Variants in GRID2 observed in about 807,000 individuals in gnomAD.
The protein encoded by GRID2 is glutamate ionotropic receptor delta type subunit 2, also known as glutamate receptor ionotropic, delta-2.
GRID2 carries 33 observed loss-of-function variants against 114.8 expected under a neutral mutation model. That is an observed-to-expected ratio of 0.29 (90% confidence interval 0.22 to 0.38). GRID2 has a LOEUF of 0.38. Ranked by LOEUF, GRID2 falls within the 10% of genes least tolerant of loss-of-function variation. The pLI, the probability that GRID2 is intolerant of heterozygous loss-of-function variation, is 1.00. For missense variants in GRID2, 1,184 were observed against 1,257.7 expected (o/e 0.94, Z 0.89); for synonymous variants, 505 against 449.9 (o/e 1.12, Z -1.55).
intron 1 of GRID2, among the ~76,000 whole-genome samples, chr4:92,566,707 A>G (rs1449117236): frequency 1.3e-5 from 2 of 152,066 alleles, no homozygotes; most frequent in Non-Finnish European, 2.9e-5. Context: ...TCACACTAAA[A>G]GCAAATAATT....
chr4:92,762,648 T>C (rs2149346255), intron 2 of GRID2, among the ~76,000 whole-genome samples: 1 of 152,298 alleles, frequency 6.6e-6, no homozygotes, highest in African/African-American at 2.4e-5. Flanking sequence ...CCTCAAAAAG[T>C]TGTATGCAGA....
chr4:92,773,566 G>A (rs1206700998), intron 2 of GRID2, among the ~76,000 whole-genome samples: 1 of 151,704 alleles, frequency 6.6e-6, no homozygotes, highest in Non-Finnish European at 1.5e-5. Flanking sequence ...TAAAGTCCAA[G>A]ATTTATATCT....
intron 1 of GRID2, among the ~76,000 whole-genome samples, chr4:92,524,267 T>G (rs1000345537): frequency 1.3e-5 from 2 of 151,776 alleles, no homozygotes; most frequent in Non-Finnish European, 2.9e-5. Flanking sequence ...ACTGCAAAAT[T>G]TAACATAAAT....
chr4:93,041,357 C>T (rs978268297), intron 2 of GRID2, among the ~76,000 whole-genome samples: 12 of 152,158 alleles, frequency 7.9e-5, no homozygotes, highest in East Asian at 7.7e-4. Context: ...TGCAGAATGG[C>T]GAACTTCTCA....
At chr4:92,695,185 C>T (rs1483034175) in intron 2 of GRID2, among the ~76,000 whole-genome samples, 1 of 152,042 alleles carries the variant, frequency 6.6e-6, no homozygotes, top group Admixed American at 6.6e-5. Context: ...CGTCTGGTCT[C>T]GAACTCCTGG....
intron 2 of GRID2, among the ~76,000 whole-genome samples, chr4:92,769,478 G>T (rs892841865): frequency 6.6e-6 from 1 of 152,192 alleles, no homozygotes; most frequent in Non-Finnish European, 1.5e-5. Flanking sequence ...TGGTGCCCCA[G>T]TGGGGACTCT....
At chr4:93,168,987 C>T (rs1366344078) in intron 4 of GRID2, among the ~76,000 whole-genome samples, 1 of 152,010 alleles carries the variant, frequency 6.6e-6, no homozygotes, top group Non-Finnish European at 1.5e-5. Flanking sequence ...ACTATAGAAA[C>T]AGAGCATTAT....
intron 2 of GRID2, among the ~76,000 whole-genome samples, chr4:92,846,239 C>T (rs1743314025): frequency 6.6e-6 from 1 of 151,944 alleles, no homozygotes; most frequent in South Asian, 2.1e-4. Context: ...TGATGCTGAA[C>T]TTTGGAGTAC....
chr4:93,047,421 T>C (rs972584698), intron 2 of GRID2, among the ~76,000 whole-genome samples: 2 of 152,104 alleles, frequency 1.3e-5, no homozygotes, highest in Non-Finnish European at 2.9e-5. Flanking sequence ...GACTATAGGA[T>C]ATATGGGATT....
intron 2 of GRID2, among the ~76,000 whole-genome samples, chr4:92,693,399 A>G (rs1243263131): frequency 2.0e-5 from 3 of 152,312 alleles, no homozygotes; most frequent in African/African-American, 7.2e-5. Flanking sequence ...TATACATTTC[A>G]TTTGTGCAGT....
chr4:93,664,384 T>C (rs761089469), intron 14 of GRID2, among the ~76,000 whole-genome samples: 1 of 152,216 alleles, frequency 6.6e-6, no homozygotes, highest in Non-Finnish European at 1.5e-5. Context: ...GCAGATGCTC[T>C]GTTATGGTAA....
intron 2 of GRID2, among the ~76,000 whole-genome samples, chr4:92,943,546 A>T (rs967025241): frequency 6.6e-6 from 1 of 151,926 alleles, no homozygotes; most frequent in African/African-American, 2.4e-5. Context: ...AGCTCGGAGT[A>T]GTTTGATCGT....
At chr4:92,647,115 C>T (rs183396008) in intron 2 of GRID2, among the ~76,000 whole-genome samples, 32 of 152,310 alleles carry the variant, frequency 2.1e-4, no homozygotes, top group African/African-American at 7.7e-4. Flanking sequence ...GATTCAGAAA[C>T]ATTTAATAAT....
chr4:93,617,814 G>A (rs1285304179), intron 13 of GRID2, among the ~76,000 whole-genome samples: 2 of 152,046 alleles, frequency 1.3e-5, no homozygotes, highest in East Asian at 3.9e-4. Context: ...GTGCAACAAG[G>A]GGTGATTCAT....
chr4:93,394,503 T>TG (rs1317143946), intron 8 of GRID2, among the ~76,000 whole-genome samples: 1 of 151,838 alleles, frequency 6.6e-6, no homozygotes, highest in Non-Finnish European at 1.5e-5. Flanking sequence ...TGTTTATTTG[T>TG]GGGGGAGACT....
chr4:93,187,848 G>A (rs1740585059), intron 4 of GRID2, among the ~76,000 whole-genome samples: 1 of 152,200 alleles, frequency 6.6e-6, no homozygotes, highest in African/African-American at 2.4e-5. Context: ...ATGTAATGTT[G>A]CAAACAACAT....
At chr4:92,835,807 C>T (rs1173734866) in intron 2 of GRID2, among the ~76,000 whole-genome samples, 2 of 152,126 alleles carry the variant, frequency 1.3e-5, no homozygotes, top group Admixed American at 1.3e-4. Context: ...AGTGTATACA[C>T]TCCCCTCCAC....
chr4:92,787,529 G>C (rs1739374967), intron 2 of GRID2, among the ~76,000 whole-genome samples: 1 of 151,900 alleles, frequency 6.6e-6, no homozygotes, highest in Admixed American at 6.6e-5. Flanking sequence ...GCAGGAGCAT[G>C]ACTGGTGTGT....
chr4:93,129,512 G>A (rs544840964), intron 4 of GRID2, among the ~76,000 whole-genome samples: 1 of 152,140 alleles, frequency 6.6e-6, no homozygotes, highest in Admixed American at 6.5e-5. Flanking sequence ...GTGGCCTGGA[G>A]ACTAGTGCTA....
Sources: allele counts gnomAD v4.1 joint callset (sites outside exome capture counted in the v4.1 genomes callset), GRCh38; gene constraint gnomAD v4.1.1; transcripts MANE v1.5; gene names NCBI Gene and HGNC (gene_info 2026-07-23, HGNC 2026-07-21).